The following BACH2 variants were observed in gnomAD, a reference collection of about 807,000 sequenced individuals.
The protein encoded by BACH2 is transcription regulator protein BACH2.
A neutral mutation model predicts 61.8 loss-of-function variants in BACH2; 5 were observed. The ratio of observed to expected loss-of-function variants is 0.08; its 90% CI spans 0.04 to 0.17. BACH2 has a LOEUF of 0.17. Ranked by LOEUF, BACH2 falls within the 10% of genes least tolerant of loss-of-function variation. BACH2 has a pLI of 1.00. For synonymous variants in BACH2, 446 were observed against 440.1 expected, an observed-to-expected ratio of 1.01 and a Z score of -0.17; for missense variants, 824 against 1,091.1, an observed-to-expected ratio of 0.76 and a Z score of 3.45.
intron 6 of BACH2, among the ~76,000 whole-genome samples, chr6:89,969,104 A>G (rs1020594409): frequency 1.6e-5 from 2 of 123,130 alleles, no homozygotes; most frequent in Admixed American, 9.9e-5. Flanking sequence ...CCCAGGCTGG[A>G]GTGCAATGGT....
At chr6:90,155,838 C>T (rs7748973) in intron 4 of BACH2, among the ~76,000 whole-genome samples, 5,765 of 152,212 alleles carry the variant, frequency 0.038, 168 homozygotes, top group East Asian at 0.091. Context: ...TGTTCACAGA[C>T]ACATCCCATG....
At chr6:90,223,961 A>C (rs752405219) in intron 3 of BACH2, among the ~76,000 whole-genome samples, 3 of 152,180 alleles carry the variant, frequency 2.0e-5, no homozygotes, top group African/African-American at 7.2e-5. Flanking sequence ...TACTATCTGA[A>C]ACTGAGAAAC....
intron 6 of BACH2, chr6:90,001,303 C>T (rs1330722730): frequency 2.0e-5 from 3 of 152,202 alleles, no homozygotes; most frequent in African/African-American, 7.2e-5. Flanking sequence ...TAGCAGGCAG[C>T]ACAGCTATGT....
intron 4 of BACH2, among the ~76,000 whole-genome samples, chr6:90,138,348 C>T (rs1450147404): frequency 1.3e-5 from 2 of 152,078 alleles, no homozygotes; most frequent in Non-Finnish European, 2.9e-5. Flanking sequence ...ACTAAAAATA[C>T]AAAAATTAGC....
At chr6:90,109,869 T>TTCTTGATTA (rs1416132323) in intron 4 of BACH2, among the ~76,000 whole-genome samples, 2 of 151,986 alleles carry the variant, frequency 1.3e-5, no homozygotes, top group African/African-American at 2.4e-5. Flanking sequence ...CTCCAAAGAG[T>TTCTTGATTA]TCTTGATTAT....
At chr6:90,293,126 A>T (rs934954180) in intron 1 of BACH2, among the ~76,000 whole-genome samples, 2 of 152,244 alleles carry the variant, frequency 1.3e-5, no homozygotes, top group Non-Finnish European at 1.5e-5. Context: ...GGTCCTTCTG[A>T]GCAGGGAAGA....
chr6:90,243,046 A>ATTTT (rs397886318), intron 3 of BACH2, among the ~76,000 whole-genome samples: 6 of 101,244 alleles, frequency 5.9e-5, no homozygotes, highest in Non-Finnish European at 4.1e-5. Flanking sequence ...TGCCCGGCTA[A>ATTTT]TTTTTTTTTT....
Position 89,929,659 on chromosome 6 carries a change from G to C in BACH2, c.*2749C>G, listed in dbSNP as rs1322912828. 6.6e-6 allele frequency: 1 copy of C among 152,286 alleles called. No homozygotes were observed. The highest frequency in any genetic ancestry group is 1.5e-5 in the Non-Finnish European group (1 of 68,054). 9.4% of individuals were successfully genotyped at this position (152,286 alleles called of 1,614,324 possible). A position where few individuals can be genotyped will look rare whatever the true frequency, so the allele number is the denominator to read the frequency against. ...GGGAGGAAGGTGAGGTCTGAGTTAG[G>C]GTGGAGAGAAATAAAGAGGCCCCGC... On this transcript the variant is annotated 3_prime_UTR_variant, in exon 9 of 9. Coordinates refer to ENST00000257749, the MANE Select transcript of BACH2 (RefSeq NM_021813.4).
chr6:90,117,291 C>A (rs1424016282), intron 4 of BACH2, among the ~76,000 whole-genome samples: 3 of 152,086 alleles, frequency 2.0e-5, no homozygotes, highest in African/African-American at 7.2e-5. Flanking sequence ...GCTCTCTGCT[C>A]CAGCCATCTT....
chr6:90,175,172 G>GAAAGTTTT (rs1359286920), intron 4 of BACH2, among the ~76,000 whole-genome samples: 3 of 152,096 alleles, frequency 2.0e-5, no homozygotes, highest in African/African-American at 7.2e-5. Context: ...AACTTTGTTA[G>GAAAGTTTT]AAATGCATTT....
intron 1 of BACH2, among the ~76,000 whole-genome samples, chr6:90,286,930 A>T (rs1303712492): frequency 6.6e-6 from 1 of 152,220 alleles, no homozygotes; most frequent in Non-Finnish European, 1.5e-5. Flanking sequence ...AAAGACACGG[A>T]GGTATAACTA....
intron 2 of BACH2, among the ~76,000 whole-genome samples, chr6:90,271,063 A>C (rs1357549935): frequency 6.6e-6 from 1 of 152,214 alleles, no homozygotes; most frequent in Non-Finnish European, 1.5e-5. Context: ...CTCACTTTAT[A>C]CAAAAATCAA....
chr6:89,993,252 G>A (rs577841121), intron 6 of BACH2, among the ~76,000 whole-genome samples: 1 of 152,288 alleles, frequency 6.6e-6, no homozygotes, highest in South Asian at 2.1e-4. Context: ...GCTAAATGCT[G>A]TAGATTCACA....
At chr6:89,969,610 C>T (rs1432287568) in intron 6 of BACH2, among the ~76,000 whole-genome samples, 4 of 152,170 alleles carry the variant, frequency 2.6e-5, no homozygotes, top group Non-Finnish European at 4.4e-5. Flanking sequence ...TTGGCAGCCT[C>T]ATGCTTTCTA....
At chr6:90,267,392 G>C (rs1329622052) in intron 2 of BACH2, among the ~76,000 whole-genome samples, 2 of 152,116 alleles carry the variant, frequency 1.3e-5, no homozygotes, top group African/African-American at 2.4e-5. Context: ...ACCGCAGAGA[G>C]AGAACACTTA....
At chr6:90,036,022 T>C (rs1457587217) in intron 5 of BACH2, among the ~76,000 whole-genome samples, 5 of 151,766 alleles carry the variant, frequency 3.3e-5, no homozygotes, top group East Asian at 1.9e-4. Flanking sequence ...ATGTGTAAGA[T>C]TGGGGGTGGG....
At chr6:90,205,094 G>C (rs538499462) in intron 4 of BACH2, among the ~76,000 whole-genome samples, 1 of 152,206 alleles carries the variant, frequency 6.6e-6, no homozygotes, top group Non-Finnish European at 1.5e-5. Flanking sequence ...AAGCTGCCCA[G>C]GGCCCTTCGT....
chr6:89,968,699 C>CA (rs1425251938), intron 6 of BACH2, among the ~76,000 whole-genome samples: 2 of 152,192 alleles, frequency 1.3e-5, no homozygotes, highest in East Asian at 3.9e-4. Context: ...TTGAAAGAAG[C>CA]AAAAAATGTA....
In BACH2 at chr6:90,115,459, C is replaced by T. The variant is rs140938122; in HGVS notation, c.-161-26350G>A. Among the ~76,000 whole-genome samples, 517 of 152,234 alleles carry T rather than the reference C, an allele frequency of 3.4e-3. 6 individuals are homozygous for T. Among genetic ancestry groups the T allele is most frequent in the African/African-American group, 0.012 (500 of 41,534 alleles). ...CAATAAATGGTGCTGGGATAACTGG[C>T]TAGCTATATGCAGAAGATTGAAGCT... is the stretch of plus-strand genomic sequence containing the variant. On this transcript the variant is annotated intron_variant, in intron 4 of 8. Coordinates refer to ENST00000257749, the MANE Select transcript of BACH2 (RefSeq NM_021813.4).
Sources: allele counts gnomAD v4.1 joint callset (sites outside exome capture counted in the v4.1 genomes callset), GRCh38; gene constraint gnomAD v4.1.1; transcripts MANE v1.5; gene names NCBI Gene and HGNC (gene_info 2026-07-23, HGNC 2026-07-21).